The following DGAT2 variants were observed in gnomAD, a reference collection of about 807,000 sequenced individuals.
DGAT2 encodes diacylglycerol O-acyltransferase 2.
Under a neutral mutation model 48.4 loss-of-function variants are expected in DGAT2, and 33 were observed. The observed-to-expected ratio is 0.68, with a 90% CI of 0.52 to 0.91. The LOEUF is 0.91. Ranked by LOEUF, DGAT2 falls within the 40% of genes least tolerant of loss-of-function variation. The pLI, the probability that DGAT2 is intolerant of heterozygous loss-of-function variation, is 0.00. For missense variants in DGAT2, 446 were observed against 493.7 expected, an observed-to-expected ratio of 0.90 and a Z score of 0.92; for synonymous variants, 191 against 194.1, an observed-to-expected ratio of 0.98 and a Z score of 0.13.
At chr11:75,799,876 TCA>T (rs1945093109) in intron 7 of DGAT2, among the ~76,000 whole-genome samples, 1 of 152,094 alleles carries the variant, frequency 6.6e-6, no homozygotes, top group South Asian at 2.1e-4. Flanking sequence ...TCTTTGCCTC[TCA>T]CAGTGCTGGA....
chr11:75,787,690 G>T (rs377154887), intron 2 of DGAT2, among the ~76,000 whole-genome samples: 4 of 152,240 alleles, frequency 2.6e-5, no homozygotes, highest in African/African-American at 9.6e-5. Flanking sequence ...AGAAAGGAAG[G>T]TCATTTGGTG....
At chr11:75,787,462 G>T (rs999879993) in intron 2 of DGAT2, among the ~76,000 whole-genome samples, 1 of 152,178 alleles carries the variant, frequency 6.6e-6, no homozygotes, top group African/African-American at 2.4e-5. Flanking sequence ...CACAGGCCTC[G>T]TGGCTTCAGA....
At position 75,769,028 on chromosome 11, in the gene DGAT2, C is replaced by T; in HGVS notation, c.37C>T (p.Arg13Cys). ...CATAGCCGCCTACTCCGGGGTCCTG[C>T]GCGGCGAGCGTCAGGCCGAGGCTGA... Reference protein sequence around the residue: ...TLIAAYSGVLRGERQAEADRS... With the variant: ...TLIAAYSGVLCGERQAEADRS... Residue 13 changes from arginine to cysteine, a missense_variant, in exon 1 of 8, where the codon CGC (arginine) becomes TGC (cysteine). Transcript: ENST00000228027. The T allele has an allele frequency of 6.3e-7, 1 of 1,576,898 alleles. No homozygotes were observed. Among genetic ancestry groups the T allele is most frequent in the East Asian group, 2.4e-5 (1 of 40,936 alleles).
chr11:75,772,245 C>T (rs1944766107), intron 1 of DGAT2, among the ~76,000 whole-genome samples: 1 of 152,150 alleles, frequency 6.6e-6, no homozygotes, highest in Admixed American at 6.5e-5. Flanking sequence ...ACTAAGATCC[C>T]CCAGAGCTTT....
At chr11:75,771,716 C>T (rs894620185) in intron 1 of DGAT2, among the ~76,000 whole-genome samples, 6 of 152,116 alleles carry the variant, frequency 3.9e-5, no homozygotes, top group South Asian at 4.1e-4. Flanking sequence ...TCTCCAATTC[C>T]GTGTGGCTTC....
intron 1 of DGAT2, among the ~76,000 whole-genome samples, chr11:75,781,989 ACTC>A (rs1046975669): frequency 1.3e-5 from 2 of 151,534 alleles, no homozygotes; most frequent in East Asian, 1.9e-4. Context: ...AAATTTCTAT[ACTC>A]CTCCTCCAAG....
chr11:75,784,511 G>C, intron 1 of DGAT2, 107 bp from the exon 2 acceptor site: 1 of 1,460,744 alleles, frequency 6.8e-7, no homozygotes, highest in Non-Finnish European at 9.3e-7. Context: ...TATAGCTGAT[G>C]CTCTTCTCAT....
chr11:75,784,775 TGGGCAGGCAGTGTCCACTTCCCCAAAA>T (rs756863969), intron 2 of DGAT2, 29 bp downstream of exon 2: 23 of 1,613,340 alleles, frequency 1.4e-5, no homozygotes, highest in Non-Finnish European at 1.8e-5. Context: ...GGAGGGCAGG[TGGGCAGGCAGTGTCCACTTCCCCAAAA>T]GAGGTAGAGC....
intron 1 of DGAT2, 185 bp from the exon 2 acceptor site, chr11:75,784,433 G>A: frequency 1.5e-6 from 1 of 672,696 alleles, no homozygotes; most frequent in Non-Finnish European, 2.4e-6. Context: ...AGGGGAGCAT[G>A]CAGACAGCCC....
intron 3 of DGAT2, 28 bp from the exon 4 acceptor site, chr11:75,790,633 A>G: frequency 5.0e-6 from 8 of 1,610,832 alleles, no homozygotes; most frequent in Non-Finnish European, 6.8e-6. Flanking sequence ...CCCCACCCCC[A>G]CCAACTCTGT....
At chr11:75,783,961 C>G (rs966162700) in intron 1 of DGAT2, among the ~76,000 whole-genome samples, 3 of 152,136 alleles carry the variant, frequency 2.0e-5, no homozygotes, top group African/African-American at 7.2e-5. Context: ...AGCAAAGGCT[C>G]CCACCTTACT....
chr11:75,769,842 C>T (rs1390342294), intron 1 of DGAT2, among the ~76,000 whole-genome samples: 6 of 152,022 alleles, frequency 3.9e-5, no homozygotes, highest in Non-Finnish European at 8.8e-5. Context: ...TCCGGTAGAC[C>T]CTGGGAAGTC....
chr11:75,784,545 G>T (rs2135768295), intron 1 of DGAT2, 73 bp from the exon 2 acceptor site: 1 of 1,583,164 alleles, frequency 6.3e-7, no homozygotes, highest in East Asian at 2.3e-5. Context: ...CCTGTGGGAG[G>T]TGAGGTTTGT....
intron 4 of DGAT2, chr11:75,792,350 CTCAACCCGGGGCTTAGGCTGA>C (rs1335753180): frequency 1.4e-4 from 22 of 152,308 alleles, no homozygotes; most frequent in Non-Finnish European, 1.6e-4. Context: ...GGTGTTGAGC[CTCAACCCGGGGCTTAGGCTGA>C]TCAACCCGGG....
rs539339044 is a variant in DGAT2, at chr11:75,800,514, C to G, written c.*6C>G. On this transcript the variant is annotated 3_prime_UTR_variant, in exon 8 of 8. Transcript: ENST00000228027. ...AGGTCCTGGAGGTGAACTGAGCCAG[C>G]CTTCGGGGCCAATTCCCTGGAGGAA... 1.9e-6 allele frequency: 3 copies of G among 1,613,482 alleles called. No homozygotes were observed. Among genetic ancestry groups the G allele is most frequent in the South Asian group, 1.1e-5 (1 of 90,936 alleles).
intron 4 of DGAT2, chr11:75,794,054 T>C (rs1029008152): frequency 1.3e-5 from 2 of 152,258 alleles, no homozygotes; most frequent in Non-Finnish European, 2.9e-5. Context: ...GCAACTTTAA[T>C]CTGTTTGCCA....
intron 2 of DGAT2, among the ~76,000 whole-genome samples, 186 bp from the exon 3 acceptor site, chr11:75,790,002 G>T (rs534187532): frequency 1.3e-5 from 2 of 152,306 alleles, no homozygotes; most frequent in South Asian, 4.1e-4. Flanking sequence ...GGCTCCTCTT[G>T]TCCCAGGAAT....
At chr11:75,795,330 A>C (rs1198658204) in intron 4 of DGAT2, 1 of 151,826 alleles carries the variant, frequency 6.6e-6, no homozygotes, top group African/African-American at 2.4e-5. Flanking sequence ...TGGCCCTATT[A>C]TTTTTCTAAT....
At chr11:75,785,135 C>T (rs1224261900) in intron 2 of DGAT2, among the ~76,000 whole-genome samples, 3 of 152,172 alleles carry the variant, frequency 2.0e-5, no homozygotes, top group Non-Finnish European at 4.4e-5. Flanking sequence ...GTTACTTTGC[C>T]TTAAGGTGGT....
Sources: allele counts gnomAD v4.1 joint callset (sites outside exome capture counted in the v4.1 genomes callset), GRCh38; gene constraint gnomAD v4.1.1; transcripts MANE v1.5; gene names NCBI Gene and HGNC (gene_info 2026-07-23, HGNC 2026-07-21).